The following ROCK2 variants were observed in gnomAD, a reference collection of about 807,000 sequenced individuals.
ROCK2 encodes the protein rho-associated protein kinase 2.
A neutral mutation model predicts 195.1 loss-of-function variants in ROCK2; 61 were observed. The observed-to-expected ratio is 0.31, with a 90% CI of 0.25 to 0.39. The LOEUF (loss-of-function observed/expected upper bound fraction) is 0.39, where lower values mean the gene tolerates loss of function less well. Ranked by LOEUF, ROCK2 falls within the 10% of genes least tolerant of loss-of-function variation. The pLI, the probability that ROCK2 is intolerant of heterozygous loss-of-function variation, is 1.00. For missense variants in ROCK2, 1,109 were observed against 1,637.4 expected, an observed-to-expected ratio of 0.68 and a Z score of 5.57; for synonymous variants, 504 against 545.5, an observed-to-expected ratio of 0.92 and a Z score of 1.06.
intron 1 of ROCK2, among the ~76,000 whole-genome samples, chr2:11,297,853 ATTTC>A (rs1329979610): frequency 6.6e-6 from 1 of 152,184 alleles, no homozygotes; most frequent in Non-Finnish European, 1.5e-5. Context: ...AAAATATCCC[ATTTC>A]TTTCTAATTA....
Position 11,214,911 on chromosome 2 carries a change from T to C in ROCK2, c.1865A>G (p.Asn622Ser), listed in dbSNP as rs746201358. Reference sequence around the variant, plus strand: ...TTCAGATTCTAGAGCTGACTGAAGATTGATAAATTCCTTTTCAAGTTTTAA... The same window carrying C: ...TTCAGATTCTAGAGCTGACTGAAGACTGATAAATTCCTTTTCAAGTTTTAA... ...AKLKLEKEFI[N>S]LQSALESERR... is the part of the protein sequence containing the mutation. The change falls in exon 16 of 33, where the codon AAT becomes AGT. Residue 622 changes from asparagine to serine, a missense_variant. By Grantham distance (46) the Asn-to-Ser change is conservative. This residue lies in a region of ROCK2 where 542 missense variants were observed against 672.0 expected (regional missense o/e 0.81). Coordinates refer to ENST00000315872, the MANE Select transcript of ROCK2 (RefSeq NM_004850.5). The C allele has an allele frequency of 1.4e-4, 219 of 1,613,992 alleles. No individual in the cohort carries two copies. The Middle Eastern group carries it at 2.5e-3, about 18-fold the overall frequency.
intron 32 of ROCK2, among the ~76,000 whole-genome samples, chr2:11,184,511 A>G (rs1325292757): frequency 1.3e-5 from 2 of 152,234 alleles, no homozygotes; most frequent in Non-Finnish European, 2.9e-5. Context: ...TACACTTAAC[A>G]TGTAAATTTC....
Position 11,235,555 on chromosome 2 carries a change from T to C in ROCK2, c.723+147A>G. 1 of 740,690 alleles carries C rather than the reference T, an allele frequency of 1.4e-6. No homozygotes were observed. The highest frequency in any genetic ancestry group is 2.1e-6 in the Non-Finnish European group (1 of 465,686). The allele number at this position is 740,690 out of a possible 1,614,324, so 45.9% of individuals were successfully genotyped here. On this transcript the variant is annotated intron_variant, in intron 5 of 32. Coordinates refer to ENST00000315872, the MANE Select transcript of ROCK2 (RefSeq NM_004850.5). The surrounding 1 kb of genome is among the most constrained non-coding windows in gnomAD (Gnocchi z 4.2). The stretch of plus-strand genomic sequence containing the variant: ...ATGTTTTAAGTTGGTTAAGGAAATG[T>C]TTTAAGTTGGTTATATCTTGTTTGG...
At position 11,344,297 on chromosome 2, in the gene ROCK2, G is replaced by A; in HGVS notation, c.-161C>T. On this transcript the variant is annotated 5_prime_UTR_variant, in exon 1 of 33. Transcript: ENST00000315872. This position sits in a 1 kb window ranked among gnomAD's most constrained non-coding sequence, Gnocchi z 5.4. ...GGTCTCCAAGGCGGTCCCCCGCCTG[G>A]GGGCTGCTCCCAGGGGCCCGCCCGG... The A allele has an allele frequency of 8.0e-7, 1 of 1,242,500 alleles. No homozygotes were observed. The highest frequency in any genetic ancestry group is 1.0e-6 in the Non-Finnish European group (1 of 994,690). The allele number at this position is 1,242,500 out of a possible 1,614,324, so 77.0% of individuals were successfully genotyped here. A position where few individuals can be genotyped will look rare whatever the true frequency, so the allele number is the denominator to read the frequency against.
chr2:11,181,528 AC>A lies in ROCK2; in HGVS notation c.*1908del, dbSNP rs1662990488. On this transcript the variant is annotated 3_prime_UTR_variant, in exon 33 of 33. Transcript: ENST00000315872. ...GGCCAGTAGCTACTCTTCAGTTTCC[AC>A]AATAGTATCTATTATGGGGATCTAA... 3.9e-5 allele frequency: 6 copies of A among 152,114 alleles called. No homozygotes were observed. The South Asian group carries it at 1.0e-3, about 26-fold the overall frequency. The allele number at this position is 152,114 out of a possible 1,614,324, so 9.4% of individuals were successfully genotyped here.
At chr2:11,253,506 T>C (rs1665910567) in intron 3 of ROCK2, among the ~76,000 whole-genome samples, 1 of 152,238 alleles carries the variant, frequency 6.6e-6, no homozygotes, top group Non-Finnish European at 1.5e-5. Flanking sequence ...TTCTCAACCA[T>C]AGAACCCTAT....
intron 6 of ROCK2, 51 bp downstream of exon 6, chr2:11,227,199 GAAAT>G (rs1265475380): frequency 1.4e-6 from 2 of 1,462,858 alleles, no homozygotes; most frequent in East Asian, 4.6e-5. Context: ...ATTCTTGACT[GAAAT>G]AAAGTATTAT....
chr2:11,344,168 T>A lies in ROCK2; in HGVS notation c.-32A>T. On this transcript the variant is annotated 5_prime_UTR_variant, in exon 1 of 33. Coordinates refer to ENST00000315872, the MANE Select transcript of ROCK2 (RefSeq NM_004850.5). The surrounding 1 kb of genome is among the most constrained non-coding windows in gnomAD (Gnocchi z 5.4). The stretch of plus-strand genomic sequence containing the variant: ...ACCGCTGGACCCGCACTCAGGCTCC[T>A]CGCGCTCAGGTCCCGCAGCCTCGGG... 7.2e-7 allele frequency: 1 copy of A among 1,392,848 alleles called. No homozygotes were observed. 86.3% of individuals were successfully genotyped at this position (1,392,848 alleles called of 1,614,324 possible).
At chr2:11,322,990 G>A (rs1391247175) in intron 1 of ROCK2, among the ~76,000 whole-genome samples, 1 of 152,160 alleles carries the variant, frequency 6.6e-6, no homozygotes, top group Non-Finnish European at 1.5e-5. Context: ...CCAAAGCAGT[G>A]CTCTTTTGAA....
At chr2:11,345,222 G>C (rs1015643910), upstream of ROCK2, among the ~76,000 whole-genome samples, 1 of 152,240 alleles carries the variant, frequency 6.6e-6, no homozygotes, top group Non-Finnish European at 1.5e-5. Context: ...CTAGTCCTGG[G>C]GCAGGAGGGC....
In ROCK2 at chr2:11,317,612, A is replaced by ATAT. The variant is rs59701503; in HGVS notation, c.141+26383_141+26384insATA. On this transcript the variant is annotated intron_variant, in intron 1 of 32. Transcript: ENST00000315872. The stretch of plus-strand genomic sequence containing the variant: ...TATATATATATATATATATATATAT[A>ATAT]TTTTTTTTTTTTTTTAATTATACTT... Among the ~76,000 whole-genome samples the ATAT allele has an allele frequency of 1.7e-3, 32 of 19,302 alleles. 1 individual carries two copies. The highest frequency in any genetic ancestry group is 4.0e-3 in the African/African-American group (25 of 6,268). The allele number at this position is 19,302 out of a possible 152,430, so 12.7% of individuals were successfully genotyped here.
intron 7 of ROCK2, 91 bp from the exon 8 acceptor site, chr2:11,222,265 CAAGT>C: frequency 1.4e-6 from 1 of 710,904 alleles, no homozygotes; most frequent in Non-Finnish European, 2.3e-6. Flanking sequence ...ATAAAGATCT[CAAGT>C]AAATTTGAGA....
At chr2:11,339,908 G>A (rs1337055191) in intron 1 of ROCK2, among the ~76,000 whole-genome samples, 1 of 152,124 alleles carries the variant, frequency 6.6e-6, no homozygotes, top group Non-Finnish European at 1.5e-5. Flanking sequence ...ATTAACTTGT[G>A]TGGTGATTTC....
At chr2:11,254,891 AAC>A (rs1183383812) in intron 3 of ROCK2, among the ~76,000 whole-genome samples, 1 of 151,972 alleles carries the variant, frequency 6.6e-6, no homozygotes, top group Non-Finnish European at 1.5e-5. Context: ...TCCAAAGGGA[AAC>A]ACAGTTTGGA....
At chr2:11,313,992 TATA>T (rs1362119211) in intron 1 of ROCK2, among the ~76,000 whole-genome samples, 1 of 151,824 alleles carries the variant, frequency 6.6e-6, no homozygotes, top group Non-Finnish European at 1.5e-5. Flanking sequence ...TGCATAAATA[TATA>T]TAAGAACACT....
chr2:11,248,554 C>T (rs1263423548), intron 4 of ROCK2, among the ~76,000 whole-genome samples: 2 of 151,120 alleles, frequency 1.3e-5, no homozygotes, highest in Non-Finnish European at 3.0e-5. Context: ...ACTAAAAATG[C>T]AAAAATTAGC....
intron 4 of ROCK2, among the ~76,000 whole-genome samples, chr2:11,248,221 G>C (rs1335267164): frequency 1.4e-5 from 2 of 147,328 alleles, no homozygotes; most frequent in Non-Finnish European, 3.0e-5. Flanking sequence ...TTTTGGGGGG[G>C]GATGGGGGGA....
At chr2:11,231,497 C>T (rs1008523292) in intron 5 of ROCK2, among the ~76,000 whole-genome samples, 1 of 152,140 alleles carries the variant, frequency 6.6e-6, no homozygotes, top group Non-Finnish European at 1.5e-5. Context: ...CATGAGCCAT[C>T]GTGCCTGGCC....
At chr2:11,306,826 C>T (rs535503878) in intron 1 of ROCK2, among the ~76,000 whole-genome samples, 1 of 152,280 alleles carries the variant, frequency 6.6e-6, no homozygotes, top group East Asian at 1.9e-4. Context: ...CCAGCTAATA[C>T]AGCAAGAAAA....
Sources: allele counts gnomAD v4.1 joint callset (sites outside exome capture counted in the v4.1 genomes callset), GRCh38; gene constraint gnomAD v4.1.1; regional missense constraint gnomAD v4.1.1; non-coding constraint Gnocchi (gnomAD v3.1); transcripts MANE v1.5; gene names NCBI Gene and HGNC (gene_info 2026-07-23, HGNC 2026-07-21).